The following AK8 variants were observed in gnomAD, a reference collection of about 807,000 sequenced individuals.
AK8 encodes ATP-AMP transphosphorylase 8.
Under a neutral mutation model 54.6 loss-of-function variants are expected in AK8, and 44 were observed. The ratio of observed to expected loss-of-function variants is 0.81; its 90% CI spans 0.63 to 1.04. The LOEUF (loss-of-function observed/expected upper bound fraction) is 1.04. AK8 is among the 50% of genes least tolerant of loss of function. The pLI, the probability that AK8 is intolerant of heterozygous loss-of-function variation, is 0.00. For missense variants in AK8, 555 were observed against 613.6 expected, an observed-to-expected ratio of 0.90 and a Z score of 1.01; for synonymous variants, 239 against 245.6, an observed-to-expected ratio of 0.97 and a Z score of 0.25.
chr9:132,819,204 TC>T (rs1336657928), intron 9 of AK8, among the ~76,000 whole-genome samples: 5 of 152,348 alleles, frequency 3.3e-5, no homozygotes, highest in African/African-American at 1.2e-4. Context: ...GAACATGTAG[TC>T]TTTTTTCCTT....
chr9:132,744,629 C>A (rs954530175), intron 11 of AK8, among the ~76,000 whole-genome samples: 5 of 152,074 alleles, frequency 3.3e-5, no homozygotes, highest in Non-Finnish European at 7.4e-5. Context: ...ATATTAATAA[C>A]CAGTGGTATT....
intron 11 of AK8, among the ~76,000 whole-genome samples, chr9:132,753,021 C>A (rs548622403): frequency 6.6e-6 from 1 of 152,330 alleles, no homozygotes; most frequent in Admixed American, 6.5e-5. Context: ...GAGAAGCCTA[C>A]AATAAATACT....
chr9:132,873,886 A>C (rs2526006), intron 2 of AK8, among the ~76,000 whole-genome samples: 1 of 152,086 alleles, frequency 6.6e-6, no homozygotes, highest in Non-Finnish European at 1.5e-5. Context: ...TGGGGAGACA[A>C]AACCTCCCAC....
chr9:132,785,306 A>G (rs2131142995), intron 11 of AK8, among the ~76,000 whole-genome samples: 1 of 151,992 alleles, frequency 6.6e-6, no homozygotes, highest in East Asian at 1.9e-4. Context: ...GTTCCACCAT[A>G]TTGTCCAGGC....
chr9:132,870,217 C>T lies in AK8; in HGVS notation c.170-3264G>A, dbSNP rs377719938. Among the ~76,000 whole-genome samples the T allele has an allele frequency of 6.6e-5, 10 of 152,340 alleles. 1 individual carries two copies. In the Middle Eastern group the frequency reaches 0.017, roughly 259 times the overall value. On this transcript the variant is annotated intron_variant, in intron 2 of 12. Coordinates refer to ENST00000298545, the MANE Select transcript of AK8 (RefSeq NM_152572.3). ...ATAGACTTTAAAAGGGGAACATCCA[C>T]GGCCTTTCTCCCCACCTAATTTCTC...
At chr9:132,763,296 A>G (rs940852520) in intron 11 of AK8, among the ~76,000 whole-genome samples, 1 of 152,268 alleles carries the variant, frequency 6.6e-6, no homozygotes, top group African/African-American at 2.4e-5. Flanking sequence ...ATCAATAACA[A>G]GAGGAACTTT....
chr9:132,820,662 T>C (rs1841548891), intron 9 of AK8, among the ~76,000 whole-genome samples: 3 of 152,350 alleles, frequency 2.0e-5, no homozygotes, highest in Middle Eastern at 3.4e-3. Context: ...GAAAGTCGTG[T>C]CCGTATATAC....
chr9:132,786,471 T>C (rs898228472), intron 11 of AK8, among the ~76,000 whole-genome samples: 1 of 152,138 alleles, frequency 6.6e-6, no homozygotes, highest in African/African-American at 2.4e-5. Context: ...GCTTCTCCCC[T>C]GGACCCCCAG....
intron 10 of AK8, among the ~76,000 whole-genome samples, chr9:132,801,797 T>G (rs774801404): frequency 3.3e-5 from 5 of 152,244 alleles, no homozygotes; most frequent in African/African-American, 4.8e-5. Context: ...TTCATGTAGT[T>G]TTCTCCCTAT....
chr9:132,868,112 G>T (rs1843675451), intron 2 of AK8, among the ~76,000 whole-genome samples: 1 of 152,176 alleles, frequency 6.6e-6, no homozygotes, highest in Non-Finnish European at 1.5e-5. Context: ...GATGTCCACT[G>T]CAACTCACAT....
chr9:132,756,727 G>A (rs995993641), intron 11 of AK8, among the ~76,000 whole-genome samples: 7 of 152,092 alleles, frequency 4.6e-5, no homozygotes, highest in Non-Finnish European at 1.0e-4. Context: ...CCGAACGCAC[G>A]TCACCTAATT....
In AK8 at chr9:132,810,476, T is replaced by A. The variant is rs916541727; in HGVS notation, c.979+4162A>T. Among the ~76,000 whole-genome samples the A allele has an allele frequency of 3.3e-5, 5 of 152,324 alleles. 1 individual carries two copies. Among genetic ancestry groups the A allele is most frequent in the East Asian group, 1.9e-4 (1 of 5,188 alleles). ...TGAATTAAGCCGGCTCTGTACAAAG[T>A]TGACGTGCTTTGATTCAAGCAAATT... is the stretch of plus-strand genomic sequence containing the variant. On this transcript the variant is annotated intron_variant, in intron 10 of 12. Transcript: ENST00000298545.
chr9:132,838,389 T>C (rs1842409549), intron 5 of AK8, among the ~76,000 whole-genome samples: 1 of 152,172 alleles, frequency 6.6e-6, no homozygotes, highest in Admixed American at 6.5e-5. Context: ...GGAGTCAACC[T>C]GGGAACACAA....
chr9:132,829,888 A>G (rs1842036117), intron 5 of AK8, among the ~76,000 whole-genome samples: 1 of 152,206 alleles, frequency 6.6e-6, no homozygotes, highest in African/African-American at 2.4e-5. Context: ...TGTGAAAGTA[A>G]TATACAATCA....
intron 11 of AK8, among the ~76,000 whole-genome samples, chr9:132,754,799 G>GTTTTTTT (rs202163458): frequency 6.3e-5 from 9 of 143,992 alleles, no homozygotes; most frequent in African/African-American, 7.8e-5. Flanking sequence ...TTTGTTTTTT[G>GTTTTTTT]GTTTTTTTTT....
chr9:132,848,562 T>A (rs1449739871), intron 5 of AK8, among the ~76,000 whole-genome samples: 1 of 152,180 alleles, frequency 6.6e-6, no homozygotes, highest in East Asian at 1.9e-4. Flanking sequence ...CCAGTCCCCT[T>A]CACTAGAGGC....
intron 9 of AK8, among the ~76,000 whole-genome samples, chr9:132,820,039 C>A (rs1026377363): frequency 3.3e-5 from 5 of 150,864 alleles, no homozygotes; most frequent in African/African-American, 1.2e-4. Context: ...CCTGTAGTCC[C>A]AGCTACTTGG....
At chr9:132,761,269 C>CTTTTTTTTTTTTTTTTTTTTTTTTTTTT (rs534596980) in intron 11 of AK8, among the ~76,000 whole-genome samples, 1 of 125,658 alleles carries the variant, frequency 8.0e-6, no homozygotes, top group African/African-American at 3.4e-5. Flanking sequence ...CTTTTCTTTT[C>CTTTTTTTTTTTTTTTTTTTTTTTTTTTT]TTTTTTTTTT....
At position 132,866,557 on chromosome 9, in the gene AK8, C is replaced by T. The variant is rs184598886; in HGVS notation, c.219+347G>A. 9.2e-5 allele frequency among the ~76,000 whole-genome samples: 14 copies of T among 152,200 alleles called. No individual in the cohort carries two copies. The East Asian group carries it at 2.1e-3, about 23-fold the overall frequency. On this transcript the variant is annotated intron_variant, in intron 3 of 12. Coordinates refer to ENST00000298545, the MANE Select transcript of AK8 (RefSeq NM_152572.3). ...ATTCCAAGTCAAAGTCTATGAAATG[C>T]GTGTACTGTTGGACCCAGCACGTGT... is the stretch of plus-strand genomic sequence containing the variant.
Sources: allele counts gnomAD v4.1 joint callset (sites outside exome capture counted in the v4.1 genomes callset), GRCh38; gene constraint gnomAD v4.1.1; transcripts MANE v1.5; gene names NCBI Gene and HGNC (gene_info 2026-07-23, HGNC 2026-07-21).